AXL: variants seen among roughly 807,000 people sequenced by gnomAD.
AXL encodes AXL receptor tyrosine kinase.
In AXL, 52 loss-of-function variants were observed where a neutral mutation model predicts 104.5. The ratio of observed to expected loss-of-function variants is 0.50; its 90% CI spans 0.40 to 0.63. AXL has a LOEUF of 0.63. AXL is among the 20% of genes least tolerant of loss of function. The probability of loss-of-function intolerance (pLI) is 0.00; values close to 1 mark genes in which losing one functional copy is unlikely to be tolerated. For synonymous variants in AXL, 455 were observed against 473.7 expected (o/e 0.96, Z 0.51); for missense variants, 1,024 against 1,188.5 (o/e 0.86, Z 2.04).
chr19:41,238,764 G>A (rs2034129013), intron 8 of AXL, among the ~76,000 whole-genome samples, 155 bp downstream of exon 8: 1 of 152,120 alleles, frequency 6.6e-6, no homozygotes, highest in South Asian at 2.1e-4. Flanking sequence ...ACATTCTGGG[G>A]AGAATAAGGG....
At chr19:41,227,124 T>G (rs2033895120) in intron 4 of AXL, among the ~76,000 whole-genome samples, 2 of 151,902 alleles carry the variant, frequency 1.3e-5, no homozygotes, top group Admixed American at 6.6e-5. Context: ...AACTTGGTCC[T>G]TCTTACATCC....
chr19:41,233,888 T>G (rs1242067742), intron 6 of AXL, among the ~76,000 whole-genome samples: 3 of 151,940 alleles, frequency 2.0e-5, no homozygotes, highest in Non-Finnish European at 4.4e-5. Flanking sequence ...TCCTCTTCCC[T>G]TTCCAGGTCT....
rs2034540307 is a variant in AXL at position 41,261,378 on chromosome 19, G to A, written c.*1474G>A. On this transcript the variant is annotated 3_prime_UTR_variant, in exon 20 of 20. Transcript: ENST00000301178. ...TCTGCCTCTCTAGGACCATGGTTAA[G>A]AGTCCAAGAATCCACATTTCTAAAA... 1 of 152,642 alleles carries A rather than the reference G, an allele frequency of 6.6e-6. No homozygotes were observed. The highest frequency in any genetic ancestry group is 1.5e-5 in the Non-Finnish European group (1 of 68,034). 9.5% of individuals were successfully genotyped at this position (152,642 alleles called of 1,614,324 possible). A position where few individuals can be genotyped will look rare whatever the true frequency, so the allele number is the denominator to read the frequency against.
intron 8 of AXL, 27 bp from the exon 9 acceptor site, chr19:41,239,136 AC>A: frequency 6.2e-7 from 1 of 1,612,294 alleles, no homozygotes; most frequent in South Asian, 1.1e-5. Flanking sequence ...GTAAGGTTCT[AC>A]CCTGATGCCA....
chr19:41,256,706 G>A, intron 18 of AXL, 95 bp downstream of exon 18: 1 of 1,508,524 alleles, frequency 6.6e-7, no homozygotes, highest in Non-Finnish European at 9.1e-7. Context: ...AAGGGTCACA[G>A]GGACATGTGG....
intron 17 of AXL, 50 bp downstream of exon 17, chr19:41,253,758 G>A (rs2122281359): frequency 2.9e-6 from 4 of 1,401,890 alleles, no homozygotes; most frequent in Non-Finnish European, 4.0e-6. Flanking sequence ...TGCACTCCCT[G>A]AGGGAGTTCC....
Position 41,219,431 on chromosome 19 carries a change from G to A in AXL, c.39G>A (p.Leu13=). 6.2e-7 allele frequency: 1 copy of A among 1,606,754 alleles called. No individual in the cohort carries two copies. The highest frequency in any genetic ancestry group is 8.5e-7 in the Non-Finnish European group (1 of 1,176,960). ...GCCCCAGGATGGGCAGGGTCCCGCTGGCCTGGTGCTTGGCGCTGTGCGGCT... is the reference window on the plus strand; with the variant it reads ...GCCCCAGGATGGGCAGGGTCCCGCTAGCCTGGTGCTTGGCGCTGTGCGGCT... ...WRCPRMGRVP[L]AWCLALCGWA... Residue 13 remains leucine, a synonymous_variant, in exon 1 of 20, where the codon CTG becomes CTA. Transcript: ENST00000301178.
chr19:41,249,653 G>A (rs1164946291), intron 14 of AXL, among the ~76,000 whole-genome samples: 1 of 151,990 alleles, frequency 6.6e-6, no homozygotes, highest in African/African-American at 2.4e-5. Flanking sequence ...CTACTCGGGA[G>A]GCTGAGGCAG....
chr19:41,252,142 T>TATA (rs1568417487), intron 14 of AXL, among the ~76,000 whole-genome samples: 1 of 122,494 alleles, frequency 8.2e-6, no homozygotes. Flanking sequence ...AATATATATT[T>TATA]TATATATATA....
In AXL at chr19:41,243,772, T is replaced by C. The variant is rs2034225301; in HGVS notation, c.1537+65T>C. On this transcript the variant is annotated intron_variant, in intron 12 of 19. Coordinates refer to ENST00000301178, the MANE Select transcript of AXL (RefSeq NM_021913.5). ...AAAGGCTGTAGAGAATCTGGCCTGC[T>C]GGGCTTCTGTACATGTGTGAGCCAA... 2.1e-6 allele frequency: 3 copies of C among 1,446,326 alleles called. No homozygotes were observed. The South Asian group carries it at 3.4e-5, about 17-fold the overall frequency. The allele number at this position is 1,446,326 out of a possible 1,614,324, so 89.6% of individuals were successfully genotyped here. A position where few individuals can be genotyped will look rare whatever the true frequency, so the allele number is the denominator to read the frequency against.
intron 4 of AXL, among the ~76,000 whole-genome samples, chr19:41,225,047 A>G (rs986013372): frequency 3.9e-5 from 6 of 152,182 alleles, no homozygotes; most frequent in Non-Finnish European, 8.8e-5. Flanking sequence ...TCTGTCACCC[A>G]AGCTGGAGTG....
chr19:41,221,299 A>G (rs2033787184), intron 3 of AXL, 53 bp downstream of exon 3: 7 of 1,529,728 alleles, frequency 4.6e-6, no homozygotes, highest in Non-Finnish European at 6.3e-6. Flanking sequence ...TGGCGCTCAT[A>G]GGTTGTGGGA....
At chr19:41,258,946 A>G (rs1429436165) in intron 19 of AXL, among the ~76,000 whole-genome samples, 1 of 152,194 alleles carries the variant, frequency 6.6e-6, no homozygotes, top group Non-Finnish European at 1.5e-5. Context: ...ATTGCTTTCA[A>G]GGTGGCTTAC....
At chr19:41,251,644 G>T (rs1271554126) in intron 14 of AXL, among the ~76,000 whole-genome samples, 1 of 151,338 alleles carries the variant, frequency 6.6e-6, no homozygotes, top group African/African-American at 2.4e-5. Context: ...AGGAGTTCGA[G>T]CCTAACCTCC....
Position 41,221,100 on chromosome 19 carries a change from C to T in AXL, c.309-46C>T, listed in dbSNP as rs1006979687. On this transcript the variant is annotated intron_variant, in intron 2 of 19. Transcript: ENST00000301178. The stretch of plus-strand genomic sequence containing the variant: ...GTTCTGACAGACCCCCTCCCAGTGT[C>T]CAGCTCTGACCCTGAACCTCTCTGT... 2.6e-5 allele frequency: 41 copies of T among 1,568,530 alleles called. No homozygotes were observed. In the East Asian group the frequency reaches 9.2e-4, roughly 35 times the overall value.
Position 41,257,575 on chromosome 19 carries a change from A to T in AXL, c.2279A>T (p.Asp760Val), listed in dbSNP as rs779505621. The T allele has an allele frequency of 6.2e-7, 1 of 1,614,132 alleles. No homozygotes were observed. Among genetic ancestry groups the T allele is most frequent in the South Asian group, 1.1e-5 (1 of 91,086 alleles). The change falls in exon 19 of 20, where the codon GAC (aspartate) becomes GTC (valine). Residue 760 changes from aspartate to valine, a missense_variant. By Grantham distance (152) the Asp-to-Val change is radical. This residue lies in a region of AXL where 523 missense variants were observed against 636.0 expected (regional missense o/e 0.82). Coordinates refer to ENST00000301178, the MANE Select transcript of AXL (RefSeq NM_021913.5). The stretch of plus-strand genomic sequence containing the variant: ...GGCGTGGAGAACAGCGAGATTTATG[A>T]CTATCTGCGCCAGGGAAATCGCCTG... ...YPGVENSEIY[D>V]YLRQGNRLKQ...
intron 4 of AXL, 84 bp downstream of exon 4, chr19:41,222,140 G>GT: frequency 7.4e-7 from 1 of 1,352,390 alleles, no homozygotes; most frequent in East Asian, 2.6e-5. Flanking sequence ...CTACCTCTGC[G>GT]TGAGTGTCTG....
chr19:41,252,485 G>A, intron 15 of AXL, 42 bp downstream of exon 15: 1 of 1,594,780 alleles, frequency 6.3e-7, no homozygotes, highest in Non-Finnish European at 8.6e-7. Flanking sequence ...AGCCCCATGG[G>A]GGCCATAGCA....
At chr19:41,250,727 C>T (rs1375207073) in intron 14 of AXL, among the ~76,000 whole-genome samples, 3 of 152,166 alleles carry the variant, frequency 2.0e-5, no homozygotes, top group African/African-American at 7.2e-5. Context: ...AGGTGTGAGC[C>T]ACCACACCCA....
Sources: allele counts gnomAD v4.1 joint callset (sites outside exome capture counted in the v4.1 genomes callset), GRCh38; gene constraint gnomAD v4.1.1; regional missense constraint gnomAD v4.1.1; transcripts MANE v1.5; gene names NCBI Gene and HGNC (gene_info 2026-07-23, HGNC 2026-07-21).